Variants in AGBL4 observed in about 807,000 individuals in gnomAD.
AGBL4 encodes cytosolic carboxypeptidase 6.
A neutral mutation model predicts 66.4 loss-of-function variants in AGBL4; 58 were observed. The ratio of observed to expected loss-of-function variants is 0.87; its 90% CI spans 0.71 to 1.09. The LOEUF is 1.09. AGBL4 is among the 50% of genes least tolerant of loss of function. The pLI, the probability that AGBL4 is intolerant of heterozygous loss-of-function variation, is 0.00. For missense variants in AGBL4, 579 were observed against 631.0 expected (o/e 0.92, Z 0.88); for synonymous variants, 234 against 222.9 (o/e 1.05, Z -0.44).
intron 4 of AGBL4, among the ~76,000 whole-genome samples, chr1:49,236,123 A>C (rs1484677921): frequency 6.6e-6 from 1 of 152,000 alleles, no homozygotes; most frequent in Non-Finnish European, 1.5e-5. Flanking sequence ...TCCTCCTCCC[A>C]GGAACAAGTG....
At chr1:48,614,358 G>A (rs1164384761) in intron 9 of AGBL4, among the ~76,000 whole-genome samples, 2 of 152,190 alleles carry the variant, frequency 1.3e-5, no homozygotes, top group African/African-American at 4.8e-5. Flanking sequence ...AAAATGAAGA[G>A]GCTGAGCAAG....
At chr1:49,394,210 C>T (rs1473551678) in intron 3 of AGBL4, among the ~76,000 whole-genome samples, 6 of 151,854 alleles carry the variant, frequency 4.0e-5, no homozygotes, top group Non-Finnish European at 5.9e-5. Context: ...TGTGGCAACA[C>T]GAAAGTATCA....
At chr1:49,470,286 AC>A (rs913307280) in intron 3 of AGBL4, among the ~76,000 whole-genome samples, 5 of 151,914 alleles carry the variant, frequency 3.3e-5, no homozygotes, top group African/African-American at 1.2e-4. Flanking sequence ...GTCAGATTAT[AC>A]TCGCTCCATA....
At chr1:49,933,793 A>G (rs1295910290) in intron 1 of AGBL4, among the ~76,000 whole-genome samples, 1 of 152,150 alleles carries the variant, frequency 6.6e-6, no homozygotes, top group Non-Finnish European at 1.5e-5. Context: ...AAAGAAAAAG[A>G]GAAAGGAGTA....
intron 2 of AGBL4, chr1:49,845,869 G>C: frequency 4.9e-6 from 7 of 1,423,178 alleles, no homozygotes; most frequent in Middle Eastern, 1.8e-4. Context: ...CCTTCTGGCA[G>C]AGCACAAACC....
At chr1:48,748,644 G>A (rs558612953) in intron 6 of AGBL4, among the ~76,000 whole-genome samples, 61 of 152,266 alleles carry the variant, frequency 4.0e-4, no homozygotes, top group African/African-American at 1.4e-3. Context: ...TAAGGTGAAG[G>A]CAAGTGGCAC....
the AGBL4 span, among the ~76,000 whole-genome samples, chr1:48,524,968 T>C: frequency 6.6e-6 from 1 of 152,160 alleles, no homozygotes; most frequent in Non-Finnish European, 1.5e-5. Flanking sequence ...GGGTTGCTTT[T>C]ATTTGTGAAC....
At chr1:49,401,957 A>G (rs941921353) in intron 3 of AGBL4, among the ~76,000 whole-genome samples, 1 of 152,108 alleles carries the variant, frequency 6.6e-6, no homozygotes, top group Non-Finnish European at 1.5e-5. Context: ...TTTCTAATTT[A>G]TTAGCATATA....
chr1:49,476,999 A>C (rs1395356576), intron 3 of AGBL4, among the ~76,000 whole-genome samples: 1 of 152,066 alleles, frequency 6.6e-6, no homozygotes, highest in Non-Finnish European at 1.5e-5. Context: ...AAAGGGGAGG[A>C]AACAATGGGA....
chr1:49,297,723 C>T (rs1227990957), intron 3 of AGBL4, among the ~76,000 whole-genome samples: 1 of 152,076 alleles, frequency 6.6e-6, no homozygotes. Context: ...AAAAAGTAGA[C>T]TTTTTTTGAG....
intron 2 of AGBL4, among the ~76,000 whole-genome samples, chr1:49,711,251 GA>G (rs1002972915): frequency 6.6e-6 from 1 of 151,742 alleles, no homozygotes. Context: ...ATCTAACCAA[GA>G]AAAAAATTAA....
At chr1:49,904,977 A>C (rs1462619406) in intron 1 of AGBL4, among the ~76,000 whole-genome samples, 1 of 152,338 alleles carries the variant, frequency 6.6e-6, no homozygotes, top group South Asian at 2.1e-4. Flanking sequence ...TCTCTGCTGA[A>C]CACAACATGA....
chr1:49,951,409 ACT>A (rs1178661989), intron 1 of AGBL4, among the ~76,000 whole-genome samples: 8 of 151,964 alleles, frequency 5.3e-5, no homozygotes, highest in East Asian at 3.9e-4. Context: ...ATCAAAAAAG[ACT>A]CTGCAAAAAA....
At chr1:48,562,226 T>C (rs1644407430) in intron 11 of AGBL4, among the ~76,000 whole-genome samples, 1 of 152,162 alleles carries the variant, frequency 6.6e-6, no homozygotes, top group Non-Finnish European at 1.5e-5. Context: ...TATTGTTTTC[T>C]CCCTAGAAGA....
At chr1:48,597,947 A>T (rs1268466894) in intron 9 of AGBL4, among the ~76,000 whole-genome samples, 1 of 152,150 alleles carries the variant, frequency 6.6e-6, no homozygotes, top group Non-Finnish European at 1.5e-5. Flanking sequence ...AAAGAAAGAG[A>T]GAAAGAAAGG....
chr1:48,963,486 A>T (rs1658170647), intron 5 of AGBL4, among the ~76,000 whole-genome samples: 1 of 152,036 alleles, frequency 6.6e-6, no homozygotes, highest in Non-Finnish European at 1.5e-5. Context: ...ACAACTTAAA[A>T]TGTGTAGAAT....
Position 48,539,748 on chromosome 1 carries a change from T to C in AGBL4, c.1268-10A>G, listed in dbSNP as rs1404555167. On this transcript the variant is annotated splice_polypyrimidine_tract_variant and intron_variant, in intron 11 of 13. Coordinates refer to ENST00000371839, the MANE Select transcript of AGBL4 (RefSeq NM_032785.4). ...CGCCCCAGCTTCATATCTGCAGGTG[T>C]GTGCATTAAGGAGCAACTTCGAAAA... 6.7e-7 allele frequency: 1 copy of C among 1,502,920 alleles called. No homozygotes were observed. Among genetic ancestry groups the C allele is most frequent in the Non-Finnish European group, 9.0e-7 (1 of 1,117,028 alleles). 93.1% of individuals were successfully genotyped at this position (1,502,920 alleles called of 1,614,324 possible).
chr1:48,632,832 G>T (rs954491086), intron 9 of AGBL4, among the ~76,000 whole-genome samples: 2 of 152,218 alleles, frequency 1.3e-5, no homozygotes, highest in Admixed American at 1.3e-4. Flanking sequence ...CAGAAGCCTG[G>T]GAGGGCAGAA....
At chr1:49,662,396 C>CA (rs1218705917) in intron 3 of AGBL4, among the ~76,000 whole-genome samples, 1 of 151,736 alleles carries the variant, frequency 6.6e-6, no homozygotes, top group Non-Finnish European at 1.5e-5. Context: ...GTTTAAAAGA[C>CA]AAAAAAGAAG....
Sources: allele counts gnomAD v4.1 joint callset (sites outside exome capture counted in the v4.1 genomes callset), GRCh38; gene constraint gnomAD v4.1.1; transcripts MANE v1.5; gene names NCBI Gene and HGNC (gene_info 2026-07-23, HGNC 2026-07-21).